Variants in PCDHGB4 observed in about 807,000 individuals in gnomAD.
PCDHGB4 encodes protocadherin gamma-B4.
PCDHGB4 carries 38 observed loss-of-function variants against 60.5 expected under a neutral mutation model. That is an observed-to-expected ratio of 0.63 (90% CI 0.48 to 0.82). PCDHGB4 has a LOEUF of 0.82. PCDHGB4 is among the 40% of genes least tolerant of loss of function. PCDHGB4 has a pLI of 0.00. For missense variants in PCDHGB4, 1,109 were observed against 1,209.6 expected, an observed-to-expected ratio of 0.92 and a Z score of 1.23; for synonymous variants, 456 against 509.7, an observed-to-expected ratio of 0.89 and a Z score of 1.42.
intron 1 of PCDHGB4, chr5:141,409,017 G>T (rs745981387): frequency 3.1e-6 from 5 of 1,613,840 alleles, no homozygotes; most frequent in Non-Finnish European, 4.2e-6. Flanking sequence ...CAGGATGAGG[G>T]GGTCAATGCT....
chr5:141,394,652 G>T (rs1589237070), intron 1 of PCDHGB4: 1 of 1,613,422 alleles, frequency 6.2e-7, no homozygotes, highest in Non-Finnish European at 8.5e-7. Flanking sequence ...AGGCCAGCGA[G>T]CCGGGACTCT....
At chr5:141,434,265 GA>G (rs2097683598) in intron 1 of PCDHGB4, among the ~76,000 whole-genome samples, 1 of 152,186 alleles carries the variant, frequency 6.6e-6, no homozygotes, top group South Asian at 2.1e-4. Context: ...GGGGGAGGTG[GA>G]AATTAGAGGT....
At chr5:141,406,277 C>T (rs1462690693) in intron 1 of PCDHGB4, among the ~76,000 whole-genome samples, 1 of 151,986 alleles carries the variant, frequency 6.6e-6, no homozygotes, top group Non-Finnish European at 1.5e-5. Flanking sequence ...GCTTCAGTTT[C>T]CCAAAGCACT....
At position 141,510,839 on chromosome 5, in the gene PCDHGB4, C is replaced by G. The variant is rs186647886; in HGVS notation, c.2546-108C>G. The stretch of plus-strand genomic sequence containing the variant: ...CTATATTCCCAGTGCTCAGCGTGGT[C>G]AAGGCCCAGGGTGCTGTATAGGCAT... On this transcript the variant is annotated intron_variant, in intron 3 of 3. Coordinates refer to ENST00000519479, the MANE Select transcript of PCDHGB4 (RefSeq NM_003736.4). The G allele has an allele frequency of 6.5e-5, 103 of 1,587,108 alleles. No individual in the cohort carries two copies. The East Asian group carries it at 1.6e-3, about 25-fold the overall frequency.
intron 2 of PCDHGB4, among the ~76,000 whole-genome samples, chr5:141,498,956 AGAGG>A (rs1198207839): frequency 1.1e-4 from 14 of 124,162 alleles, no homozygotes; most frequent in East Asian, 2.7e-4. Context: ...AAAAAGAGAG[AGAGG>A]GAGGGAGGGA....
intron 1 of PCDHGB4, among the ~76,000 whole-genome samples, chr5:141,461,819 A>G (rs573339238): frequency 1.3e-5 from 2 of 149,282 alleles, no homozygotes; most frequent in African/African-American, 2.5e-5. Flanking sequence ...ACACCCAGCT[A>G]ATTTTTTTTT....
intron 1 of PCDHGB4, among the ~76,000 whole-genome samples, chr5:141,401,846 A>G (rs1168982151): frequency 6.6e-6 from 1 of 152,216 alleles, no homozygotes; most frequent in Non-Finnish European, 1.5e-5. Context: ...AATACCACTT[A>G]CTTTTAACCT....
chr5:141,400,591 C>T lies in PCDHGB4; in HGVS notation c.2397+10310C>T, dbSNP rs746471054. ...ATTTTCTGTATTTACATGAAACTATCGTACATTTTCAAGTCCAATGAGTTG... is the reference window on the plus strand; with the variant it reads ...ATTTTCTGTATTTACATGAAACTATTGTACATTTTCAAGTCCAATGAGTTG... On this transcript the variant is annotated intron_variant, in intron 1 of 3. Transcript: ENST00000519479. 2.5e-6 allele frequency: 4 copies of T among 1,602,858 alleles called. No homozygotes were observed. In the African/African-American group the frequency reaches 5.4e-5, roughly 21 times the overall value.
intron 1 of PCDHGB4, chr5:141,478,576 G>T (rs543160289): frequency 5.0e-6 from 8 of 1,585,598 alleles, no homozygotes; most frequent in Non-Finnish European, 6.9e-6. Flanking sequence ...GCTTGACCCT[G>T]TTAGTGCTTT....
chr5:141,431,561 G>C lies in PCDHGB4; in HGVS notation c.2397+41280G>C. On this transcript the variant is annotated intron_variant, in intron 1 of 3. Transcript: ENST00000519479. The surrounding 1 kb of genome is among the most constrained non-coding windows in gnomAD (Gnocchi z 4.8). ...GCAGCTGCTTGTAGTCAACGCTACC[G>C]ACCCTGACGAAGGAGTCAATGCGGA... 6.2e-7 allele frequency: 1 copy of C among 1,614,146 alleles called. No homozygotes were observed. The highest frequency in any genetic ancestry group is 1.1e-5 in the South Asian group (1 of 91,080).
chr5:141,416,819 G>A (rs952251457), intron 1 of PCDHGB4: 5 of 151,982 alleles, frequency 3.3e-5, no homozygotes, highest in African/African-American at 9.7e-5. Flanking sequence ...AAAGCATTCC[G>A]AAGTTTCTCA....
rs375619778 is a variant in PCDHGB4, at chr5:141,399,361, C to G, written c.2397+9080C>G. 11 of 1,613,960 alleles carry G rather than the reference C, an allele frequency of 6.8e-6. No homozygotes were observed. The Admixed American group carries it at 1.8e-4, about 27-fold the overall frequency. On this transcript the variant is annotated intron_variant, in intron 1 of 3. Transcript: ENST00000519479. ...TGGAACCCTAGACCGAGAGCAAACC[C>G]CGGAGTACAATGTCACCATCACAGC...
chr5:141,478,244 T>C lies in PCDHGB4; in HGVS notation c.2398-16563T>C, dbSNP rs758993366. ...TTCTGTGGGGTTTGTGGTCACAGTG[T>C]TCGGAGTAATCATATTCAAAGTTTA... On this transcript the variant is annotated intron_variant, in intron 1 of 3. Coordinates refer to ENST00000519479, the MANE Select transcript of PCDHGB4 (RefSeq NM_003736.4). 5 of 1,614,132 alleles carry C rather than the reference T, an allele frequency of 3.1e-6. No individual in the cohort carries two copies. In the South Asian group the frequency reaches 4.4e-5, roughly 14 times the overall value.
intron 1 of PCDHGB4, among the ~76,000 whole-genome samples, chr5:141,481,728 C>T (rs529419213): frequency 2.1e-4 from 32 of 152,032 alleles, no homozygotes; most frequent in African/African-American, 7.2e-4. Flanking sequence ...CGGAGGCGGG[C>T]GGATCACGAG....
rs765586654 is a variant in PCDHGB4 at position 141,421,994 on chromosome 5, T to C, written c.2397+31713T>C. 8 of 1,608,922 alleles carry C rather than the reference T, an allele frequency of 5.0e-6. No homozygotes were observed. In the African/African-American group the frequency reaches 5.4e-5, roughly 11 times the overall value. On this transcript the variant is annotated intron_variant, in intron 1 of 3. Coordinates refer to ENST00000519479, the MANE Select transcript of PCDHGB4 (RefSeq NM_003736.4). ...TATCGCGTGAGTGTTCCAGAAAACA[T>C]CAGCTCCGGAACTCGGGTGCTGATG...
In PCDHGB4 at chr5:141,476,780, C is replaced by T. The variant is rs201463036; in HGVS notation, c.2398-18027C>T. On this transcript the variant is annotated intron_variant, in intron 1 of 3. Transcript: ENST00000519479. This position sits in a 1 kb window ranked among gnomAD's most constrained non-coding sequence, Gnocchi z 7.6. ...GCTGACGGCGTTGGACGGAGGGACCCCAGCTCTCTCCGCCAGCCTGCCTAT... is the reference window on the plus strand; with the variant it reads ...GCTGACGGCGTTGGACGGAGGGACCTCAGCTCTCTCCGCCAGCCTGCCTAT... 234 of 1,613,464 alleles carry T rather than the reference C, an allele frequency of 1.5e-4. No individual in the cohort carries two copies. Among genetic ancestry groups the T allele is most frequent in the Non-Finnish European group, 1.9e-4 (227 of 1,180,026 alleles).
At chr5:141,446,128 G>T (rs1242643475) in intron 1 of PCDHGB4, among the ~76,000 whole-genome samples, 1 of 152,188 alleles carries the variant, frequency 6.6e-6, no homozygotes, top group Admixed American at 6.5e-5. Context: ...GGTTCAATAA[G>T]ACTTAATAAT....
At chr5:141,450,489 CTG>C (rs2098682348) in intron 1 of PCDHGB4, among the ~76,000 whole-genome samples, 1 of 150,280 alleles carries the variant, frequency 6.7e-6, no homozygotes, top group Admixed American at 6.6e-5. Context: ...GTTTGTTTGT[CTG>C]TTTGTTTGTT....
chr5:141,404,680 G>C, intron 1 of PCDHGB4: 1 of 1,614,160 alleles, frequency 6.2e-7, no homozygotes, highest in East Asian at 2.2e-5. Context: ...CTGGTGTGGA[G>C]CTGGCACCCC....
Sources: gnomAD v4.1 joint callset for allele counts (sites outside exome capture counted in the v4.1 genomes callset) on GRCh38, gnomAD v4.1.1 for gene constraint, Gnocchi (gnomAD v3.1) non-coding constraint, MANE v1.5 for transcripts, NCBI Gene and HGNC (gene_info 2026-07-23, HGNC 2026-07-21) for gene names.